MIPOL1: variants seen among roughly 807,000 people sequenced by gnomAD.
MIPOL1 encodes mirror-image polydactyly gene 1 protein.
A neutral mutation model predicts 60.9 loss-of-function variants in MIPOL1; 57 were observed. That is an observed-to-expected ratio of 0.94 (90% CI 0.76 to 1.17). The LOEUF is 1.17. Ranked by LOEUF, MIPOL1 falls within the 50% of genes most tolerant of loss-of-function variation. The pLI is 0.00. For missense variants in MIPOL1, 551 were observed against 511.6 expected (o/e 1.08, Z -0.74); for synonymous variants, 179 against 168.8 (o/e 1.06, Z -0.47).
intron 10 of MIPOL1, among the ~76,000 whole-genome samples, chr14:37,373,924 G>T (rs550247187): frequency 6.6e-6 from 1 of 152,086 alleles, no homozygotes; most frequent in Non-Finnish European, 1.5e-5. Flanking sequence ...GGGCCAAATG[G>T]TATTTCTAGT....
At chr14:37,391,536 C>T (rs897776516) in intron 10 of MIPOL1, among the ~76,000 whole-genome samples, 1 of 151,894 alleles carries the variant, frequency 6.6e-6, no homozygotes, top group African/African-American at 2.4e-5. Flanking sequence ...GCTGGGACTA[C>T]AGGTGCATGC....
At chr14:37,234,731 T>C (rs961325362) in intron 1 of MIPOL1, among the ~76,000 whole-genome samples, 5 of 152,044 alleles carry the variant, frequency 3.3e-5, no homozygotes, top group African/African-American at 1.2e-4. Context: ...ACTCATTTAT[T>C]GGTCCCTGCA....
chr14:37,463,549 T>A (rs1430494272), intron 11 of MIPOL1, among the ~76,000 whole-genome samples: 1 of 152,154 alleles, frequency 6.6e-6, no homozygotes, highest in African/African-American at 2.4e-5. Context: ...AAAAATTGGA[T>A]AGCCATATGC....
chr14:37,279,442 G>A (rs779156443), intron 6 of MIPOL1, among the ~76,000 whole-genome samples: 24 of 151,724 alleles, frequency 1.6e-4, no homozygotes, highest in Non-Finnish European at 3.2e-4. Context: ...GAAAAGCTCA[G>A]TGTTTACAAT....
intron 9 of MIPOL1, among the ~76,000 whole-genome samples, chr14:37,329,204 C>G (rs1040268871): frequency 7.3e-5 from 11 of 151,570 alleles, no homozygotes; most frequent in Admixed American, 2.0e-4. Flanking sequence ...CCTGGACTTA[C>G]ATATACACAT....
At chr14:37,402,433 G>A (rs987304704) in intron 10 of MIPOL1, among the ~76,000 whole-genome samples, 21 of 152,120 alleles carry the variant, frequency 1.4e-4, no homozygotes, top group Non-Finnish European at 2.9e-4. Flanking sequence ...TTAGCTGTGA[G>A]GATGTTTATG....
chr14:37,341,399 G>A (rs1333519973), intron 9 of MIPOL1, among the ~76,000 whole-genome samples: 1 of 152,184 alleles, frequency 6.6e-6, no homozygotes, highest in East Asian at 1.9e-4. Context: ...CTTAGAATGT[G>A]AAATTAAAAG....
intron 11 of MIPOL1, among the ~76,000 whole-genome samples, chr14:37,460,911 T>C (rs2153581710): frequency 6.6e-6 from 1 of 152,260 alleles, no homozygotes; most frequent in Admixed American, 6.5e-5. Flanking sequence ...TCAATATCAT[T>C]AAAATGATCA....
At chr14:37,275,390 TA>T (rs557678052) in intron 6 of MIPOL1, among the ~76,000 whole-genome samples, 7 of 151,290 alleles carry the variant, frequency 4.6e-5, no homozygotes, top group African/African-American at 1.4e-4. Context: ...TCTTCTCACC[TA>T]AAAAAAGTCA....
intron 3 of MIPOL1, among the ~76,000 whole-genome samples, chr14:37,249,822 A>G (rs1475587934): frequency 6.6e-6 from 1 of 151,874 alleles, no homozygotes; most frequent in African/African-American, 2.4e-5. Context: ...ATTGATGTTA[A>G]AAAAAAACAA....
intron 1 of MIPOL1, among the ~76,000 whole-genome samples, chr14:37,209,949 G>A (rs924027020): frequency 2.6e-5 from 4 of 151,370 alleles, no homozygotes; most frequent in Admixed American, 1.3e-4. Flanking sequence ...CTCCTTAAGC[G>A]ATCCTCCCAC....
At chr14:37,340,439 A>G (rs1463974510) in intron 9 of MIPOL1, among the ~76,000 whole-genome samples, 1 of 152,174 alleles carries the variant, frequency 6.6e-6, no homozygotes, top group Non-Finnish European at 1.5e-5. Context: ...GGCCAGGCAC[A>G]GTGGCTTACT....
chr14:37,306,793 T>G (rs555969440), intron 7 of MIPOL1, among the ~76,000 whole-genome samples: 38 of 151,954 alleles, frequency 2.5e-4, no homozygotes, highest in African/African-American at 9.1e-4. Context: ...GAGCAAACTT[T>G]TGTTAGGCAG....
intron 10 of MIPOL1, among the ~76,000 whole-genome samples, chr14:37,397,935 A>T (rs1021859660): frequency 6.6e-6 from 1 of 152,160 alleles, no homozygotes. Context: ...GTTCTTCCCC[A>T]ACCTGTGGAG....
At chr14:37,306,351 A>G (rs1024483058) in intron 7 of MIPOL1, among the ~76,000 whole-genome samples, 2 of 151,862 alleles carry the variant, frequency 1.3e-5, no homozygotes, top group African/African-American at 4.8e-5. Flanking sequence ...TGAAACTAAA[A>G]ATAGAGATTT....
chr14:37,446,497 A>G (rs1224476519), intron 11 of MIPOL1, among the ~76,000 whole-genome samples: 2 of 152,182 alleles, frequency 1.3e-5, no homozygotes, highest in South Asian at 2.1e-4. Context: ...TAGTTCAACC[A>G]TTGTGGAAGT....
At chr14:37,463,671 GA>G (rs2094565991) in intron 11 of MIPOL1, among the ~76,000 whole-genome samples, 1 of 152,204 alleles carries the variant, frequency 6.6e-6, no homozygotes, top group South Asian at 2.1e-4. Context: ...GTAAAACTCA[GA>G]AAAACTCTTC....
intron 4 of MIPOL1, among the ~76,000 whole-genome samples, chr14:37,268,440 G>T (rs1452579440): frequency 1.3e-5 from 2 of 152,046 alleles, no homozygotes; most frequent in African/African-American, 4.8e-5. Flanking sequence ...GAGCTGCACT[G>T]ACTGTCCCAG....
At chr14:37,521,909 TA>T (rs1314786856) in intron 12 of MIPOL1, among the ~76,000 whole-genome samples, 73 of 15,174 alleles carry the variant, frequency 4.8e-3, no homozygotes, top group African/African-American at 0.014. Context: ...TATATATATA[TA>T]TTTTTTTTTT....
Sources: allele counts gnomAD v4.1 joint callset (sites outside exome capture counted in the v4.1 genomes callset), GRCh38; gene constraint gnomAD v4.1.1; transcripts MANE v1.5; gene names NCBI Gene and HGNC (gene_info 2026-07-23, HGNC 2026-07-21).